ATXN2: variants seen among roughly 807,000 people sequenced by gnomAD.
ATXN2 encodes ataxin-2.
A neutral mutation model predicts 138.6 loss-of-function variants in ATXN2; 37 were observed. The observed-to-expected ratio is 0.27, with a 90% CI of 0.21 to 0.35. The LOEUF is 0.35. Among genes scored for constraint, ATXN2 ranks in the 10% least tolerant of loss-of-function variants. The pLI is 1.00. For missense variants in ATXN2, 1,216 were observed against 1,480.3 expected (o/e 0.82, Z 2.93); for synonymous variants, 549 against 543.7 (o/e 1.01, Z -0.13).
In ATXN2 at chr12:111,453,164, A is replaced by G; in HGVS notation, c.3440-324T>C. ...TTCAGAATAACAGGTCAGACTGTGA[A>G]GTATCGCCATGGCAGCCATCAAGTA... On this transcript the variant is annotated intron_variant, in intron 24 of 24. Transcript: ENST00000673436. This position sits in a 1 kb window ranked among gnomAD's most constrained non-coding sequence, Gnocchi z 5.4. 1 of 1,158,844 alleles carries G rather than the reference A, an allele frequency of 8.6e-7. No individual in the cohort carries two copies. The highest frequency in any genetic ancestry group is 1.1e-6 in the Non-Finnish European group (1 of 939,698). The allele number at this position is 1,158,844 out of a possible 1,614,324, so 71.8% of individuals were successfully genotyped here.
At chr12:111,522,228 TAAA>T (rs35035921) in intron 6 of ATXN2, among the ~76,000 whole-genome samples, 11,919 of 108,114 alleles carry the variant, frequency 0.11, 1,558 homozygotes, top group African/African-American at 0.31. Context: ...ATGCCCTACA[TAAA>T]AAAAAAAAAA....
In ATXN2 at chr12:111,483,914, C is replaced by G. The variant is rs545195262; in HGVS notation, c.2524+1351G>C. Among the ~76,000 whole-genome samples, 4 of 152,162 alleles carry G rather than the reference C, an allele frequency of 2.6e-5. No homozygotes were observed. In the South Asian group the frequency reaches 8.3e-4, roughly 32 times the overall value. ...CCTCCCACCTCAGTCTCCCAAGTAGCTAGGACTACAGGAGCACACCATGAC... is the reference window on the plus strand; with the variant it reads ...CCTCCCACCTCAGTCTCCCAAGTAGGTAGGACTACAGGAGCACACCATGAC... On this transcript the variant is annotated intron_variant, in intron 18 of 24. Coordinates refer to ENST00000673436, the MANE Select transcript of ATXN2 (RefSeq NM_001372574.1).
intron 22 of ATXN2, 71 bp from the exon 23 acceptor site, chr12:111,456,327 G>A: frequency 6.6e-7 from 1 of 1,512,588 alleles, no homozygotes; most frequent in Non-Finnish European, 9.1e-7. Context: ...TACCCACAAA[G>A]CTAAGCTTTG....
chr12:111,510,662 G>T, intron 11 of ATXN2, 80 bp from the exon 12 acceptor site: 2 of 1,309,436 alleles, frequency 1.5e-6, no homozygotes, highest in South Asian at 1.4e-5. Flanking sequence ...CTTCTCTGAA[G>T]ATCTAGGTAA....
intron 22 of ATXN2, 103 bp from the exon 23 acceptor site, chr12:111,456,359 G>C: frequency 4.0e-6 from 5 of 1,247,254 alleles, no homozygotes; most frequent in Non-Finnish European, 5.8e-6. Context: ...CTATGATGAG[G>C]GTCACTGGAA....
intron 3 of ATXN2, among the ~76,000 whole-genome samples, chr12:111,553,182 G>A (rs559338929): frequency 5.9e-5 from 9 of 152,166 alleles, no homozygotes; most frequent in East Asian, 3.9e-4. Flanking sequence ...TTTGCAGTAC[G>A]AATTTTAATA....
chr12:111,454,531 T>A (rs1359442349), intron 23 of ATXN2: 1 of 156,552 alleles, frequency 6.4e-6, no homozygotes, highest in Non-Finnish European at 1.4e-5. Flanking sequence ...GCCCAGCGTC[T>A]CTGTACCAAG....
chr12:111,539,574 C>T (rs12317695), intron 5 of ATXN2, among the ~76,000 whole-genome samples: 15,438 of 149,526 alleles, frequency 0.1, 2,779 homozygotes, highest in African/African-American at 0.35. Flanking sequence ...GGTGAAACCC[C>T]GTCTCTACTA....
At chr12:111,493,549 C>T (rs1268507850) in intron 14 of ATXN2, among the ~76,000 whole-genome samples, 2 of 151,754 alleles carry the variant, frequency 1.3e-5, no homozygotes, top group African/African-American at 4.9e-5. Context: ...TATTGTAACA[C>T]TGTAATTGTG....
At chr12:111,553,604 A>ATTTTTATTTTTTT (rs1882239551) in intron 3 of ATXN2, among the ~76,000 whole-genome samples, 1 of 85,004 alleles carries the variant, frequency 1.2e-5, no homozygotes, top group African/African-American at 7.6e-5. Context: ...AAAAAAAAAA[A>ATTTTTATTTTTTT]TTTTTTTTTT....
Position 111,552,889 on chromosome 12 carries a change from A to C in ATXN2, c.420+17T>G. ...GTTCTTTTACTTTGTAAGAAAAAGA[A>C]AAAAAGTAAAAATTACCTTCGGACT... On this transcript the variant is annotated intron_variant, in intron 4 of 24. Transcript: ENST00000673436. The surrounding 1 kb of genome is among the most constrained non-coding windows in gnomAD (Gnocchi z 4.1). The C allele has an allele frequency of 6.6e-7, 1 of 1,507,478 alleles. No individual in the cohort carries two copies. Among genetic ancestry groups the C allele is most frequent in the East Asian group, 2.4e-5 (1 of 42,098 alleles). The allele number at this position is 1,507,478 out of a possible 1,614,324, so 93.4% of individuals were successfully genotyped here. A position where few individuals can be genotyped will look rare whatever the true frequency, so the allele number is the denominator to read the frequency against.
chr12:111,525,986 TG>T (rs754703283), intron 5 of ATXN2, among the ~76,000 whole-genome samples: 1 of 149,754 alleles, frequency 6.7e-6, no homozygotes, highest in Non-Finnish European at 1.5e-5. Context: ...CCAGCCCACA[TG>T]AAGCATATTT....
chr12:111,489,676 C>T (rs765746248), intron 14 of ATXN2, among the ~76,000 whole-genome samples: 1 of 151,232 alleles, frequency 6.6e-6, no homozygotes, highest in Non-Finnish European at 1.5e-5. Context: ...AATTCCAGCC[C>T]TTTGGGAGGC....
chr12:111,453,516 G>C lies in ATXN2; in HGVS notation c.3439+161C>G. 1 of 1,352,284 alleles carries C rather than the reference G, an allele frequency of 7.4e-7. No homozygotes were observed. The highest frequency in any genetic ancestry group is 2.9e-5 in the East Asian group (1 of 33,958). The allele number at this position is 1,352,284 out of a possible 1,614,324, so 83.8% of individuals were successfully genotyped here. A position where few individuals can be genotyped will look rare whatever the true frequency, so the allele number is the denominator to read the frequency against. Reference sequence around the variant, plus strand: ...TCGGCTCCCGGAAGCCTCAGGCCCTGATGCTGAACTGATCGTCACAGTCCC... The same window carrying C: ...TCGGCTCCCGGAAGCCTCAGGCCCTCATGCTGAACTGATCGTCACAGTCCC... On this transcript the variant is annotated intron_variant, in intron 24 of 24. Transcript: ENST00000673436. The surrounding 1 kb of genome is among the most constrained non-coding windows in gnomAD (Gnocchi z 5.4).
At chr12:111,508,401 T>C (rs1023009737) in intron 14 of ATXN2, among the ~76,000 whole-genome samples, 3 of 151,306 alleles carry the variant, frequency 2.0e-5, no homozygotes, top group Admixed American at 6.6e-5. Flanking sequence ...ATTCTTTGTA[T>C]CATTTGTATG....
intron 14 of ATXN2, among the ~76,000 whole-genome samples, chr12:111,504,888 C>G (rs1879006657): frequency 6.6e-6 from 1 of 152,062 alleles, no homozygotes; most frequent in African/African-American, 2.4e-5. Context: ...GGAAAGGGGT[C>G]CCGATCCAGA....
rs921000159 is a variant in ATXN2 at position 111,598,041 on chromosome 12, C to A, written c.251+743G>T. ...CGGGACGGGGCCGGGCACTCCCCACCCCTTCCCTTCCCCAGGTGGGGGAGG... is the reference window on the plus strand; with the variant it reads ...CGGGACGGGGCCGGGCACTCCCCACACCTTCCCTTCCCCAGGTGGGGGAGG... On this transcript the variant is annotated intron_variant, in intron 1 of 24. Transcript: ENST00000673436. The surrounding 1 kb of genome is among the most constrained non-coding windows in gnomAD (Gnocchi z 4.5). 1.4e-5 allele frequency: 16 copies of A among 1,169,846 alleles called. No individual in the cohort carries two copies. In the Admixed American group the frequency reaches 4.1e-4, roughly 30 times the overall value. The allele number at this position is 1,169,846 out of a possible 1,614,324, so 72.5% of individuals were successfully genotyped here. A position where few individuals can be genotyped will look rare whatever the true frequency, so the allele number is the denominator to read the frequency against.
chr12:111,588,903 G>A (rs1470198055), intron 1 of ATXN2, among the ~76,000 whole-genome samples: 1 of 138,030 alleles, frequency 7.2e-6, no homozygotes, highest in African/African-American at 2.6e-5. Flanking sequence ...GCTGAGGCAG[G>A]AGAATGGCAT....
chr12:111,560,059 T>A (rs968400882), intron 1 of ATXN2, among the ~76,000 whole-genome samples: 2 of 151,896 alleles, frequency 1.3e-5, no homozygotes, highest in African/African-American at 4.8e-5. Context: ...TGGAACAAAT[T>A]TCAAACACTG....
Sources: gnomAD v4.1 joint callset for allele counts (sites outside exome capture counted in the v4.1 genomes callset) on GRCh38, gnomAD v4.1.1 for gene constraint, Gnocchi (gnomAD v3.1) non-coding constraint, MANE v1.5 for transcripts, NCBI Gene and HGNC (gene_info 2026-07-23, HGNC 2026-07-21) for gene names.